The following PLA2G6 variants were observed in gnomAD, a reference collection of about 807,000 sequenced individuals.
PLA2G6 encodes the protein phospholipase A2 group VI.
Under a neutral mutation model 83.8 loss-of-function variants are expected in PLA2G6, and 62 were observed. That is an observed-to-expected ratio of 0.74 (90% CI 0.60 to 0.91). PLA2G6 has a LOEUF of 0.91. PLA2G6 is among the 40% of genes least tolerant of loss of function. The pLI, the probability that PLA2G6 is intolerant of heterozygous loss-of-function variation, is 0.00. For synonymous variants in PLA2G6, 417 were observed against 449.8 expected (o/e 0.93, Z 0.92); for missense variants, 944 against 1,102.0 (o/e 0.86, Z 2.03).
At chr22:38,160,251 T>C (rs955001413) in intron 2 of PLA2G6, among the ~76,000 whole-genome samples, 12 of 152,048 alleles carry the variant, frequency 7.9e-5, no homozygotes, top group African/African-American at 2.7e-4. Flanking sequence ...TAACAGAAGA[T>C]ATGAAGTAAC....
rs566979554 is a variant in PLA2G6, at chr22:38,145,457, G to A, written c.406C>T (p.His136Tyr). The A allele has an allele frequency of 1.7e-5, 28 of 1,609,250 alleles. No individual in the cohort carries two copies. The South Asian group carries it at 2.4e-4, about 14-fold the overall frequency. ...GCTCACCTGATGATACGGCTGTGAT[G>A]GAAGCACTCGCGGATCCCTAGCTCC... ...AVELGIRECF[H>Y]HSRIISCANC... The change falls in exon 3 of 17, where the codon CAT (histidine) becomes TAT (tyrosine). Residue 136 changes from histidine (H) to tyrosine (Y), a missense_variant. Coordinates refer to ENST00000332509, the MANE Select transcript of PLA2G6 (RefSeq NM_003560.4).
intron 1 of PLA2G6, 86 bp from the exon 2 acceptor site, chr22:38,169,557 C>T (rs1213969365): frequency 9.4e-6 from 7 of 747,110 alleles, no homozygotes; most frequent in South Asian, 7.4e-5. Context: ...CACAGACACC[C>T]AGATCACTCC....
intron 10 of PLA2G6, among the ~76,000 whole-genome samples, chr22:38,125,193 T>C (rs376081986): frequency 1.4e-4 from 21 of 151,892 alleles, no homozygotes; most frequent in African/African-American, 5.1e-4. Flanking sequence ...TGTGCGCATG[T>C]GTATGTGTGT....
chr22:38,127,530 G>C, intron 9 of PLA2G6: 1 of 1,027,330 alleles, frequency 9.7e-7, no homozygotes. Context: ...GTGGAGCCAG[G>C]ACTAGAAGCC....
chr22:38,156,422 A>T (rs2089781185), intron 2 of PLA2G6, among the ~76,000 whole-genome samples: 1 of 151,954 alleles, frequency 6.6e-6, no homozygotes, highest in Admixed American at 6.6e-5. Flanking sequence ...ACCATATGGT[A>T]GGCCACAAAA....
In PLA2G6 at chr22:38,132,908, T is replaced by C. The variant is rs1017245758; in HGVS notation, c.1000A>G (p.Ile334Val). The stretch of plus-strand genomic sequence containing the variant: ...TTGGCCCCGTGGGTCAGCAGCACTA[T>C]GGCACAGTCGAAGCGGTTGCGCATC... ...AVMRNRFDCA[I>V]VLLTHGANAD... is the part of the protein sequence containing the mutation. The change falls in exon 7 of 17, where the codon ATA becomes GTA. Residue 334 changes from isoleucine (I) to valine (V), a missense_variant. Ile to Val is a conservative substitution (Grantham distance 29). Transcript: ENST00000332509. The surrounding 1 kb of genome is among the most constrained non-coding windows in gnomAD (Gnocchi z 5.0). 6 of 1,556,570 alleles carry C rather than the reference T, an allele frequency of 3.9e-6. No homozygotes were observed. Among genetic ancestry groups the C allele is most frequent in the Non-Finnish European group, 5.2e-6 (6 of 1,150,674 alleles).
At position 38,113,621 on chromosome 22, in the gene PLA2G6, C is replaced by T. The variant is rs141777179; in HGVS notation, c.2068G>A (p.Val690Ile). ...GACCTCCCTGTCCCCAGGGAGACAA[C>T]GATGGAGAGTTTCTTCACCTTGTTG... is the stretch of plus-strand genomic sequence containing the variant. The part of the protein sequence containing the change: ...QANKVKKLSI[V>I]VSLGTGRSPQ... The change falls in exon 15 of 17, where the codon GTT (valine) becomes ATT (isoleucine). Residue 690 changes from valine to isoleucine, a missense_variant. Transcript: ENST00000332509. The T allele has an allele frequency of 5.0e-4, 804 of 1,613,914 alleles. No individual in the cohort carries two copies. Among genetic ancestry groups the T allele is most frequent in the Non-Finnish European group, 6.5e-4 (772 of 1,179,996 alleles).
At chr22:38,173,213 C>T (rs888983738) in intron 1 of PLA2G6, among the ~76,000 whole-genome samples, 2 of 152,056 alleles carry the variant, frequency 1.3e-5, no homozygotes, top group Non-Finnish European at 2.9e-5. Flanking sequence ...ATGAGGGCCC[C>T]CCGCATCATG....
chr22:38,138,804 G>A (rs1369966837), intron 5 of PLA2G6: 1 of 152,006 alleles, frequency 6.6e-6, no homozygotes, highest in Non-Finnish European at 1.5e-5. Flanking sequence ...TGAGTAGCTG[G>A]GACTACAGGC....
intron 14 of PLA2G6, among the ~76,000 whole-genome samples, chr22:38,114,385 C>T (rs541911448): frequency 6.6e-6 from 1 of 152,212 alleles, no homozygotes; most frequent in African/African-American, 2.4e-5. Flanking sequence ...CAGGGTTTCA[C>T]CGTGTTAGCC....
chr22:38,113,846 C>T lies in PLA2G6; in HGVS notation c.2035-192G>A, dbSNP rs552407745. 9.9e-5 allele frequency: 68 copies of T among 689,468 alleles called. 2 individuals carry two copies. The highest frequency in any genetic ancestry group is 8.7e-4 in the South Asian group (58 of 67,016). The allele number at this position is 689,468 out of a possible 1,614,324, so 42.7% of individuals were successfully genotyped here. A position where few individuals can be genotyped will look rare whatever the true frequency, so the allele number is the denominator to read the frequency against. On this transcript the variant is annotated intron_variant, in intron 14 of 16. Transcript: ENST00000332509. ...GCACGTGACCCCAGAACGGCTGGTG[C>T]GGGCATCACATGCCATCTGCTCAGG...
Position 38,132,671 on chromosome 22 carries a change from T to G in PLA2G6, c.1077+160A>C, listed in dbSNP as rs11570682. On this transcript the variant is annotated intron_variant, in intron 7 of 16. Transcript: ENST00000332509. This position sits in a 1 kb window ranked among gnomAD's most constrained non-coding sequence, Gnocchi z 5.0. ...TGAGAGGGGGACTTGGAAGGCTTCC[T>G]GAGGGAGGAGTCAGGGTCTGAACTG... 4.5e-6 allele frequency: 3 copies of G among 670,930 alleles called. No homozygotes were observed. Among genetic ancestry groups the G allele is most frequent in the Admixed American group, 2.6e-5 (1 of 37,826 alleles). 41.6% of individuals were successfully genotyped at this position (670,930 alleles called of 1,614,324 possible).
chr22:38,144,861 ATAAAATAAAATAAAG>A (rs2089152321), intron 3 of PLA2G6: 4 of 214,396 alleles, frequency 1.9e-5, no homozygotes. Flanking sequence ...ATAAAATAAA[ATAAAATAAAATAAAG>A]TAAAATAAAA....
In PLA2G6 at chr22:38,168,676, C is replaced by G. The variant is rs183581167; in HGVS notation, c.209+542G>C. Among the ~76,000 whole-genome samples the G allele has an allele frequency of 3.5e-3, 529 of 152,256 alleles. 6 individuals carry two copies. Among genetic ancestry groups the G allele is most frequent in the African/African-American group, 0.012 (509 of 41,530 alleles). The stretch of plus-strand genomic sequence containing the variant: ...ACCAGCCTGGCCAATATGATGAAAC[C>G]CCGTCTCTGCTAAAAATACAAAAAT... On this transcript the variant is annotated intron_variant, in intron 2 of 16. Transcript: ENST00000332509.
At chr22:38,137,255 C>T (rs2088612949) in intron 5 of PLA2G6, 1 of 152,362 alleles carries the variant, frequency 6.6e-6, no homozygotes, top group Non-Finnish European at 1.5e-5. Context: ...GAGTCAGGCC[C>T]AGCTTCTTTC....
chr22:38,116,291 G>A (rs778835999), intron 12 of PLA2G6, 80 bp from the exon 13 acceptor site: 2 of 1,483,092 alleles, frequency 1.3e-6, no homozygotes, highest in African/African-American at 1.4e-5. Flanking sequence ...ACACCCCAGG[G>A]CCTTGGGTAG....
intron 1 of PLA2G6, among the ~76,000 whole-genome samples, chr22:38,171,151 A>C (rs2090423840): frequency 6.7e-6 from 1 of 149,652 alleles, no homozygotes; most frequent in Admixed American, 6.7e-5. Flanking sequence ...CAGCCTGGGC[A>C]ACAAGAGCGA....
intron 6 of PLA2G6, chr22:38,133,814 C>G (rs1375482765): frequency 6.6e-6 from 1 of 152,662 alleles, no homozygotes. Flanking sequence ...AGATGCCCAG[C>G]CAGGCTCCCT....
chr22:38,126,371 G>A lies in PLA2G6; in HGVS notation c.1427C>T (p.Thr476Ile), dbSNP rs146684391. The A allele has an allele frequency of 2.7e-4, 436 of 1,611,436 alleles. No individual in the cohort carries two copies. Among genetic ancestry groups the A allele is most frequent in the Non-Finnish European group, 3.3e-4 (387 of 1,177,954 alleles). Residue 476 changes from threonine (T) to isoleucine (I), a missense_variant and splice_region_variant, in exon 10 of 17, where the codon ACC becomes ATC. By Grantham distance (89) the Thr-to-Ile change is moderately conservative. Transcript: ENST00000332509. ...ILGSMRDEKRTHDHLLCLDGG... is the reference protein window; with the variant it reads ...ILGSMRDEKRIHDHLLCLDGG... The stretch of plus-strand genomic sequence containing the variant: ...CTGCCCCCGATCTCGATCCACTTAC[G>A]TCCGCTTCTCGTCCCTCATGGAGCC...
Sources: allele counts gnomAD v4.1 joint callset (sites outside exome capture counted in the v4.1 genomes callset), GRCh38; gene constraint gnomAD v4.1.1; non-coding constraint Gnocchi (gnomAD v3.1); transcripts MANE v1.5; gene names NCBI Gene and HGNC (gene_info 2026-07-23, HGNC 2026-07-21).